The following TEDC1 variants were observed in gnomAD, a reference collection of about 807,000 sequenced individuals.
TEDC1 encodes the protein tubulin epsilon and delta complex protein 1.
TEDC1 carries 54 observed loss-of-function variants against 59.9 expected under a neutral mutation model. The ratio of observed to expected loss-of-function variants is 0.90; its 90% CI spans 0.72 to 1.13. The LOEUF (loss-of-function observed/expected upper bound fraction) is 1.13, where lower values mean the gene tolerates loss of function less well. Ranked by LOEUF, TEDC1 falls within the 50% of genes most tolerant of loss-of-function variation. TEDC1 has a pLI of 0.00. For missense variants in TEDC1, 734 were observed against 683.4 expected (o/e 1.07, Z -0.83); for synonymous variants, 353 against 298.1 (o/e 1.18, Z -1.90).
intron 3 of TEDC1, 44 bp from the exon 4 acceptor site, chr14:105,492,535 G>C: frequency 6.6e-7 from 1 of 1,522,996 alleles, no homozygotes; most frequent in East Asian, 2.5e-5. Context: ...TTTCTGGGGG[G>C]CAGGGTGGGG....
intron 2 of TEDC1, among the ~76,000 whole-genome samples, 196 bp downstream of exon 2, chr14:105,491,896 G>A (rs782483247): frequency 3.3e-5 from 5 of 152,214 alleles, no homozygotes; most frequent in Non-Finnish European, 5.9e-5. Context: ...CCCTTGGGTA[G>A]CACTGGCTTC....
In TEDC1 at chr14:105,498,890, G is replaced by A; in HGVS notation, c.1432G>A (p.Ala478Thr). The A allele has an allele frequency of 6.2e-7, 1 of 1,611,782 alleles. No homozygotes were observed. Among genetic ancestry groups the A allele is most frequent in the East Asian group, 2.2e-5 (1 of 44,832 alleles). The change falls in exon 9 of 9, where the codon GCC (alanine) becomes ACC (threonine). Residue 478 changes from alanine (A) to threonine (T), a missense_variant. Coordinates refer to ENST00000392523, the MANE Select transcript of TEDC1 (RefSeq NM_001367178.1). Reference protein sequence around the residue: ...RLQGQCRQELARLVGARPGLI... With the variant: ...RLQGQCRQELTRLVGARPGLI... Reference sequence around the variant, plus strand: ...ACAGGGACAGTGTCGGCAGGAACTGGCCAGGCTGGTGGGAGCCCGCCCTGG... The same window carrying A: ...ACAGGGACAGTGTCGGCAGGAACTGACCAGGCTGGTGGGAGCCCGCCCTGG...
chr14:105,494,065 T>A, intron 5 of TEDC1, 132 bp downstream of exon 5: 1 of 713,602 alleles, frequency 1.4e-6, no homozygotes, highest in South Asian at 1.7e-5. Context: ...TCTGCATGTC[T>A]GCCACTGATC....
Position 105,491,255 on chromosome 14 carries a change from C to T in TEDC1, c.-121C>T. On this transcript the variant is annotated 5_prime_UTR_variant, in exon 1 of 9. Coordinates refer to ENST00000392523, the MANE Select transcript of TEDC1 (RefSeq NM_001367178.1). Reference sequence around the variant, plus strand: ...TGCCATGATTGGGCTCAGGTTCCAGCCGGAGCGGTAACTGGGCGCAGGTCC... The same window carrying T: ...TGCCATGATTGGGCTCAGGTTCCAGTCGGAGCGGTAACTGGGCGCAGGTCC... 6.5e-7 allele frequency: 1 copy of T among 1,531,614 alleles called. No homozygotes were observed. The highest frequency in any genetic ancestry group is 1.7e-4 in the Middle Eastern group (1 of 5,864). 94.9% of individuals were successfully genotyped at this position (1,531,614 alleles called of 1,614,324 possible). A position where few individuals can be genotyped will look rare whatever the true frequency, so the allele number is the denominator to read the frequency against.
intron 4 of TEDC1, 135 bp downstream of exon 4, chr14:105,492,869 C>G: frequency 7.8e-7 from 1 of 1,275,332 alleles, no homozygotes; most frequent in Non-Finnish European, 1.1e-6. Context: ...CCCTGGCTTA[C>G]CCAAAGCCTG....
intron 8 of TEDC1, among the ~76,000 whole-genome samples, chr14:105,498,337 C>T (rs1308173611): frequency 2.0e-5 from 3 of 152,226 alleles, no homozygotes; most frequent in African/African-American, 7.2e-5. Context: ...GCCACCTGGG[C>T]CTCCACCCTA....
At chr14:105,490,941 C>G, upstream of TEDC1, 1 of 1,244,846 alleles carries the variant, frequency 8.0e-7, no homozygotes, top group Non-Finnish European at 1.1e-6. Flanking sequence ...GACGATTGAG[C>G]CTGCAAGGGC....
chr14:105,498,123 G>T (rs1049569160), intron 8 of TEDC1, 146 bp downstream of exon 8: 17 of 1,047,094 alleles, frequency 1.6e-5, no homozygotes, highest in Non-Finnish European at 2.1e-5. Flanking sequence ...CCCTGAGGGA[G>T]CGGGAGGGCA....
chr14:105,494,106 T>C, intron 5 of TEDC1, 173 bp downstream of exon 5: 2 of 627,242 alleles, frequency 3.2e-6, no homozygotes, highest in South Asian at 3.7e-5. Flanking sequence ...ACAGCTTCTC[T>C]GGGCCTCTCC....
chr14:105,492,558 C>A (rs1555439672), intron 3 of TEDC1, 21 bp from the exon 4 acceptor site: 13 of 1,535,128 alleles, frequency 8.5e-6, no homozygotes, highest in Non-Finnish European at 1.1e-5. Context: ...GGAGCAGGGC[C>A]TGACCCTTGC....
intron 3 of TEDC1, 88 bp downstream of exon 3, chr14:105,492,397 C>A: frequency 6.5e-7 from 1 of 1,549,776 alleles, no homozygotes; most frequent in Non-Finnish European, 8.7e-7. Context: ...CCCCCTCTGT[C>A]TGCTTTGCTC....
At chr14:105,494,244 A>C in intron 5 of TEDC1, 4 of 443,840 alleles carry the variant, frequency 9.0e-6, no homozygotes, top group Non-Finnish European at 1.3e-5. Flanking sequence ...AAAGGAACAC[A>C]GATCTCAGGT....
Position 105,496,081 on chromosome 14 carries a change from A to G in TEDC1, c.886A>G (p.Arg296Gly), listed in dbSNP as rs2084338555. ...AGCCTGCAGCCTGCTCTCCCCTTTT[A>G]GGGCGGTAAGTCGGGGAGGCTGGCA... ...ASACSLLSPF[R>G]ALLRTLEREN... The change falls in exon 6 of 9, where the codon AGG becomes GGG. Residue 296 changes from arginine to glycine, a missense_variant. Coordinates refer to ENST00000392523, the MANE Select transcript of TEDC1 (RefSeq NM_001367178.1). The G allele has an allele frequency of 8.7e-7, 1 of 1,153,358 alleles. No individual in the cohort carries two copies. Among genetic ancestry groups the G allele is most frequent in the Admixed American group, 3.4e-5 (1 of 29,796 alleles). 71.4% of individuals were successfully genotyped at this position (1,153,358 alleles called of 1,614,324 possible).
At chr14:105,495,440 C>T (rs2084323221) in intron 5 of TEDC1, 1 of 166,976 alleles carries the variant, frequency 6.0e-6, no homozygotes, top group Admixed American at 5.7e-5. Flanking sequence ...TAGCAAGGGC[C>T]TGTGGGTTCC....
chr14:105,496,827 G>T (rs1257339946), intron 6 of TEDC1: 1 of 165,998 alleles, frequency 6.0e-6, no homozygotes, highest in Non-Finnish European at 1.3e-5. Flanking sequence ...TGCCACCTGG[G>T]TCACTAGGCA....
Position 105,495,892 on chromosome 14 carries a change from GGAGCTGCCCAA to G in TEDC1, c.698_708del (p.Gly233GlufsTer26), listed in dbSNP as rs1555440333. The G allele has an allele frequency of 6.5e-7, 1 of 1,549,680 alleles. No individual in the cohort carries two copies. The highest frequency in any genetic ancestry group is 1.4e-5 in the African/African-American group (1 of 73,040). ...GCTTCCTTCCAAGGTTTCTGGAGCG[GGAGCTGCCCAA>G]AACCTGGACCTGGCCTACCCAAAGT... On this transcript the variant is annotated frameshift_variant, in exon 6 of 9. Coordinates refer to ENST00000392523, the MANE Select transcript of TEDC1 (RefSeq NM_001367178.1). LOFTEE classifies it high-confidence loss of function.
rs1162296252 is a variant in TEDC1, at chr14:105,491,641, T to C, written c.167T>C (p.Leu56Pro). ...CCGCAGACCTCCGCGCTCTGGCAGC[T>C]CCTCTTCCGTGTGCTCTCGCCACTC... ...RPEATSALWQLLFRVLSPLPA... is the reference protein window; with the variant it reads ...RPEATSALWQPLFRVLSPLPA... The change falls in exon 2 of 9, where the codon CTC (leucine) becomes CCC (proline). Residue 56 changes from leucine to proline, a missense_variant. Transcript: ENST00000392523. 2 of 1,549,646 alleles carry C rather than the reference T, an allele frequency of 1.3e-6. No homozygotes were observed. The highest frequency in any genetic ancestry group is 2.4e-5 in the East Asian group (1 of 40,886).
intron 4 of TEDC1, among the ~76,000 whole-genome samples, chr14:105,493,233 G>A (rs1444539518): frequency 3.9e-5 from 6 of 152,108 alleles, no homozygotes; most frequent in East Asian, 3.9e-4. Context: ...GCTGACAGGT[G>A]GGTCTGTGGC....
Position 105,498,600 on chromosome 14 carries a change from C to T in TEDC1, c.1159-17C>T, listed in dbSNP as rs782044107. On this transcript the variant is annotated splice_polypyrimidine_tract_variant and intron_variant, in intron 8 of 8. Transcript: ENST00000392523. ...TGTCCTGGGGGGACAGAGCCATTGC[C>T]ATTGTGTCCCACGCAGGCTGGAGGC... 174 of 1,520,056 alleles carry T rather than the reference C, an allele frequency of 1.1e-4. No homozygotes were observed. The highest frequency in any genetic ancestry group is 4.1e-4 in the Admixed American group (20 of 49,362). The allele number at this position is 1,520,056 out of a possible 1,614,324, so 94.2% of individuals were successfully genotyped here.
Sources: allele counts gnomAD v4.1 joint callset (sites outside exome capture counted in the v4.1 genomes callset), GRCh38; gene constraint gnomAD v4.1.1; transcripts MANE v1.5; gene names NCBI Gene and HGNC (gene_info 2026-07-23, HGNC 2026-07-21).